The following MBD5 variants were observed in gnomAD, a reference collection of about 807,000 sequenced individuals.
MBD5 encodes methyl-CpG-binding domain protein 5.
In MBD5, 13 loss-of-function variants were observed where a neutral mutation model predicts 117.3. The ratio of observed to expected loss-of-function variants is 0.11; its 90% CI spans 0.07 to 0.18. The LOEUF (loss-of-function observed/expected upper bound fraction) is 0.18, where lower values mean the gene tolerates loss of function less well. Among genes scored for constraint, MBD5 ranks in the 10% least tolerant of loss-of-function variants. MBD5 has a pLI of 1.00. For missense variants in MBD5, 1,879 were observed against 2,093.8 expected (o/e 0.90, Z 2.00); for synonymous variants, 727 against 766.4 (o/e 0.95, Z 0.85).
chr2:148,407,285 AT>A (rs1388317910), intron 4 of MBD5, among the ~76,000 whole-genome samples: 1 of 151,840 alleles, frequency 6.6e-6, no homozygotes, highest in African/African-American at 2.4e-5. Flanking sequence ...TTCCACTTGT[AT>A]TTTGTAAGAC....
intron 11 of MBD5, among the ~76,000 whole-genome samples, chr2:148,492,799 A>C (rs1338309968): frequency 6.6e-6 from 1 of 152,090 alleles, no homozygotes; most frequent in Non-Finnish European, 1.5e-5. Flanking sequence ...CAAGTGTCTG[A>C]TATATTAATG....
At chr2:148,315,061 A>G (rs975679147) in intron 3 of MBD5, among the ~76,000 whole-genome samples, 10 of 152,136 alleles carry the variant, frequency 6.6e-5, no homozygotes, top group African/African-American at 2.4e-4. Flanking sequence ...ACAGAGCCCA[A>G]GATTGGAGCC....
intron 1 of MBD5, among the ~76,000 whole-genome samples, chr2:148,164,129 C>T (rs893660496): frequency 1.3e-5 from 2 of 152,110 alleles, no homozygotes; most frequent in Non-Finnish European, 2.9e-5. Context: ...CTAGTAAGAA[C>T]TTCATTTAAA....
chr2:148,445,717 C>T (rs1706484407), intron 4 of MBD5, among the ~76,000 whole-genome samples: 1 of 151,430 alleles, frequency 6.6e-6, no homozygotes. Flanking sequence ...GCCACACCGA[C>T]TTCCACAATG....
At chr2:148,399,632 G>A (rs1056849109) in intron 4 of MBD5, among the ~76,000 whole-genome samples, 10 of 152,040 alleles carry the variant, frequency 6.6e-5, no homozygotes, top group Non-Finnish European at 1.5e-4. Context: ...TTACCTAATT[G>A]AATACCCTTT....
chr2:148,369,023 T>C (rs925596383), intron 4 of MBD5, among the ~76,000 whole-genome samples: 2 of 152,176 alleles, frequency 1.3e-5, no homozygotes, highest in Admixed American at 6.5e-5. Flanking sequence ...TCTCCTGATA[T>C]GATGCATGGA....
chr2:148,275,622 C>T (rs2106360193), intron 3 of MBD5, among the ~76,000 whole-genome samples: 1 of 152,260 alleles, frequency 6.6e-6, no homozygotes, highest in African/African-American at 2.4e-5. Context: ...GAGTAATATG[C>T]TTTACTTAAA....
intron 4 of MBD5, among the ~76,000 whole-genome samples, chr2:148,425,987 A>G (rs1186745815): frequency 6.6e-6 from 1 of 152,192 alleles, no homozygotes; most frequent in Non-Finnish European, 1.5e-5. Context: ...AAAAATCACA[A>G]GCATTCTTAT....
At chr2:148,330,088 T>TACACACACGCACACACACAC (rs1553501692) in intron 3 of MBD5, among the ~76,000 whole-genome samples, 2 of 40,412 alleles carry the variant, frequency 4.9e-5, no homozygotes, top group East Asian at 1.7e-3. Context: ...CCTCCTGCCA[T>TACACACACGCACACACACAC]ACACACACAC....
At chr2:148,333,870 A>T (rs1449671873) in intron 3 of MBD5, among the ~76,000 whole-genome samples, 1 of 152,078 alleles carries the variant, frequency 6.6e-6, no homozygotes, top group East Asian at 1.9e-4. Context: ...AAACAAAAAA[A>T]TTCCCCAGTT....
chr2:148,479,351 A>G (rs1681071000), intron 8 of MBD5, among the ~76,000 whole-genome samples: 1 of 152,202 alleles, frequency 6.6e-6, no homozygotes, highest in South Asian at 2.1e-4. Flanking sequence ...AACGGGTGGT[A>G]TTCTTTCCCT....
intron 4 of MBD5, among the ~76,000 whole-genome samples, chr2:148,374,848 C>T (rs1426641944): frequency 2.6e-5 from 4 of 152,108 alleles, no homozygotes; most frequent in Non-Finnish European, 4.4e-5. Context: ...CCCACACATG[C>T]GTATGACTAT....
intron 10 of MBD5, among the ~76,000 whole-genome samples, chr2:148,486,419 A>C (rs1340499093): frequency 6.6e-6 from 1 of 152,190 alleles, no homozygotes; most frequent in Non-Finnish European, 1.5e-5. Flanking sequence ...TGGGCTTTTT[A>C]AAAATAATCT....
intron 3 of MBD5, among the ~76,000 whole-genome samples, chr2:148,328,532 A>G (rs1702535320): frequency 6.6e-6 from 1 of 152,242 alleles, no homozygotes; most frequent in Admixed American, 6.5e-5. Context: ...GGTGCAGGAT[A>G]TAATCTCCTG....
In MBD5 at chr2:148,241,084, G is replaced by A. The variant is rs929581012; in HGVS notation, c.-680+7689G>A. Among the ~76,000 whole-genome samples the A allele has an allele frequency of 2.0e-5, 3 of 151,196 alleles. No homozygotes were observed. In the East Asian group the frequency reaches 5.8e-4, roughly 29 times the overall value. On this transcript the variant is annotated intron_variant, in intron 3 of 13. Transcript: ENST00000642680. ...TTGGCTGCTCTTTCTGTGGACTTTG[G>A]TTTATATTTTTCTGTTTCTTTACAT... is the stretch of plus-strand genomic sequence containing the variant.
rs1297618205 is a variant in MBD5, at chr2:148,513,658, G to C, written c.*717G>C. The C allele has an allele frequency of 6.6e-6, 1 of 152,174 alleles. No homozygotes were observed. The highest frequency in any genetic ancestry group is 6.5e-5 in the Admixed American group (1 of 15,276). 9.4% of individuals were successfully genotyped at this position (152,174 alleles called of 1,614,324 possible). On this transcript the variant is annotated 3_prime_UTR_variant, in exon 14 of 14. Transcript: ENST00000642680. ...TTGCAACTTTGCAGATTTCTAAAGG[G>C]ATGAGGGCTCACAGGTCTAAATTAA...
At chr2:148,370,429 G>A (rs1157055175) in intron 4 of MBD5, among the ~76,000 whole-genome samples, 1 of 152,150 alleles carries the variant, frequency 6.6e-6, no homozygotes, top group African/African-American at 2.4e-5. Context: ...GACAATGAGA[G>A]TTAGTAAATT....
At chr2:148,058,414 C>A (rs1008634993) in intron 1 of MBD5, among the ~76,000 whole-genome samples, 1 of 151,836 alleles carries the variant, frequency 6.6e-6, no homozygotes, top group Admixed American at 6.6e-5. Flanking sequence ...TTCTATCGGT[C>A]TTTTTTCAGT....
At chr2:148,172,388 G>A (rs1460728153) in intron 1 of MBD5, among the ~76,000 whole-genome samples, 1 of 152,214 alleles carries the variant, frequency 6.6e-6, no homozygotes, top group South Asian at 2.1e-4. Context: ...CCAGTCAAGT[G>A]TGTGCATGCT....
Sources: allele counts gnomAD v4.1 joint callset (sites outside exome capture counted in the v4.1 genomes callset), GRCh38; gene constraint gnomAD v4.1.1; transcripts MANE v1.5; gene names NCBI Gene and HGNC (gene_info 2026-07-23, HGNC 2026-07-21).